Variants in CREB5 observed in about 807,000 individuals in gnomAD.
CREB5 encodes the protein cAMP responsive element binding protein 5.
In CREB5, 19 loss-of-function variants were observed where a neutral mutation model predicts 57.1. The observed-to-expected ratio is 0.33, with a 90% CI of 0.23 to 0.49. The LOEUF is 0.49. CREB5 is among the 20% of genes least tolerant of loss of function. The pLI is 0.99. For synonymous variants in CREB5, 238 were observed against 238.3 expected (o/e 1.00, Z 0.01); for missense variants, 579 against 671.6 (o/e 0.86, Z 1.52).
At position 28,560,931 on chromosome 7, in the gene CREB5, T is replaced by TGTGCGTGCGTGC. The variant is rs1562797936; in HGVS notation, c.292-9431_292-9430insCGTGCGTGCGTG. Among the ~76,000 whole-genome samples, 18 of 48,550 alleles carry TGTGCGTGCGTGC rather than the reference T, an allele frequency of 3.7e-4. 3 individuals carry two copies. The highest frequency in any genetic ancestry group is 4.9e-4 in the Non-Finnish European group (13 of 26,534). 31.9% of individuals were successfully genotyped at this position (48,550 alleles called of 152,430 possible). A position where few individuals can be genotyped will look rare whatever the true frequency, so the allele number is the denominator to read the frequency against. On this transcript the variant is annotated intron_variant, in intron 4 of 10. Transcript: ENST00000357727. ...GTGCGTGTGCGTGTGTGCGCGTGCG[T>TGTGCGTGCGTGC]GTGTGCGTGCGTGTGTGTGCGTGTG...
At chr7:28,809,485 G>A (rs1318452506) in intron 9 of CREB5, 71 bp downstream of exon 9, 3 of 1,414,280 alleles carry the variant, frequency 2.1e-6, no homozygotes, top group Non-Finnish European at 1.9e-6. Context: ...GCCCTGACAG[G>A]CACTTGTTGA....
intron 8 of CREB5, among the ~76,000 whole-genome samples, chr7:28,808,761 A>G (rs966712846): frequency 2.6e-4 from 25 of 97,784 alleles, no homozygotes; most frequent in Non-Finnish European, 4.1e-4. Context: ...GGGTCTTGCT[A>G]TGTTACCTAG....
chr7:28,472,548 C>A (rs561056837), intron 1 of CREB5, among the ~76,000 whole-genome samples: 10 of 152,128 alleles, frequency 6.6e-5, no homozygotes, highest in Non-Finnish European at 1.2e-4. Context: ...TACCCCTCAC[C>A]GCTAGGACAA....
At chr7:28,394,167 T>A (rs530499472) in intron 1 of CREB5, among the ~76,000 whole-genome samples, 10 of 149,980 alleles carry the variant, frequency 6.7e-5, no homozygotes, top group East Asian at 2.0e-4. Flanking sequence ...CACATTTTTT[T>A]AAAAAAAGAA....
At chr7:28,311,853 A>C (rs1186680814) in intron 1 of CREB5, among the ~76,000 whole-genome samples, 1 of 152,116 alleles carries the variant, frequency 6.6e-6, no homozygotes, top group Non-Finnish European at 1.5e-5. Context: ...CGTGGCAGGC[A>C]CTGTCTCTGC....
intron 1 of CREB5, among the ~76,000 whole-genome samples, chr7:28,334,298 G>C (rs1296444910): frequency 6.6e-6 from 1 of 152,106 alleles, no homozygotes; most frequent in Non-Finnish European, 1.5e-5. Context: ...TGGGATTACA[G>C]GCATGTACCA....
Position 28,818,179 on chromosome 7 carries a change from A to C in CREB5, c.1363A>C (p.Ser455Arg). 6.2e-7 allele frequency: 1 copy of C among 1,606,244 alleles called. No individual in the cohort carries two copies. The highest frequency in any genetic ancestry group is 2.2e-5 in the East Asian group (1 of 44,842). ...GCAGAAAGAATCACAAGGATATCTA[A>C]GTAAGTCGCCGACTTTTTCACTTTT... ...AMQKESQGYL[S>R]PESSPPASPV... The change falls in exon 10 of 11, where the codon AGT becomes CGT. Residue 455 changes from serine (S) to arginine (R), a missense_variant and splice_region_variant. Transcript: ENST00000357727.
chr7:28,516,138 C>T (rs1176569574), intron 4 of CREB5, among the ~76,000 whole-genome samples: 1 of 152,004 alleles, frequency 6.6e-6, no homozygotes, highest in Non-Finnish European at 1.5e-5. Flanking sequence ...TGCTTGAGCC[C>T]AGGTGTTCAA....
At chr7:28,533,269 C>T (rs556328433) in intron 4 of CREB5, among the ~76,000 whole-genome samples, 2 of 152,252 alleles carry the variant, frequency 1.3e-5, no homozygotes, top group South Asian at 4.1e-4. Context: ...TGTAACGAAG[C>T]AAGACCAGAC....
At chr7:28,696,683 A>G (rs1801580181) in intron 5 of CREB5, among the ~76,000 whole-genome samples, 1 of 152,082 alleles carries the variant, frequency 6.6e-6, no homozygotes, top group Non-Finnish European at 1.5e-5. Flanking sequence ...ACACATATGC[A>G]TATATATGTA....
intron 5 of CREB5, among the ~76,000 whole-genome samples, chr7:28,637,826 AGTT>A (rs1371242979): frequency 6.6e-6 from 1 of 152,172 alleles, no homozygotes; most frequent in Non-Finnish European, 1.5e-5. Flanking sequence ...ATGCATTTAT[AGTT>A]GTTATTTTTT....
chr7:28,803,320 C>T (rs917541411), intron 7 of CREB5, among the ~76,000 whole-genome samples: 5 of 152,194 alleles, frequency 3.3e-5, no homozygotes, highest in African/African-American at 1.2e-4. Context: ...CTACACATTA[C>T]CTCCGAAGCT....
intron 1 of CREB5, among the ~76,000 whole-genome samples, chr7:28,333,673 A>T (rs1171737377): frequency 6.6e-6 from 1 of 152,174 alleles, no homozygotes; most frequent in Admixed American, 6.5e-5. Flanking sequence ...TGGCTTATTT[A>T]TCTTAACATA....
intron 7 of CREB5, among the ~76,000 whole-genome samples, chr7:28,763,807 A>ATTT (rs563568014): frequency 0.027 from 3,039 of 113,472 alleles, 71 homozygotes; most frequent in African/African-American, 0.066. Flanking sequence ...TATTATTATT[A>ATTT]TTATTTTTTT....
intron 1 of CREB5, among the ~76,000 whole-genome samples, chr7:28,465,091 A>G (rs1375899479): frequency 6.6e-6 from 1 of 152,232 alleles, no homozygotes; most frequent in Non-Finnish European, 1.5e-5. Flanking sequence ...TATATAGAAC[A>G]TCAGAAGTCC....
chr7:28,515,889 A>G (rs1792926142), intron 4 of CREB5, among the ~76,000 whole-genome samples: 1 of 73,564 alleles, frequency 1.4e-5, no homozygotes, highest in African/African-American at 5.5e-5. Flanking sequence ...ACAAAAACTA[A>G]CAGAAATGTT....
chr7:28,771,807 G>A (rs1269072389), intron 7 of CREB5, among the ~76,000 whole-genome samples: 1 of 144,716 alleles, frequency 6.9e-6, no homozygotes, highest in African/African-American at 2.5e-5. Flanking sequence ...TGGGAGGGTG[G>A]GGCCAATCTC....
chr7:28,350,507 T>G (rs570349993), intron 1 of CREB5, among the ~76,000 whole-genome samples: 54 of 151,854 alleles, frequency 3.6e-4, no homozygotes, highest in African/African-American at 1.3e-3. Context: ...CTGTTTCCTC[T>G]GGCTATAGTG....
intron 4 of CREB5, among the ~76,000 whole-genome samples, chr7:28,534,827 A>G (rs1793889722): frequency 7.1e-6 from 1 of 141,836 alleles, no homozygotes; most frequent in South Asian, 2.2e-4. Flanking sequence ...TGGAGACCAG[A>G]AAACAGGCCC....
Sources: allele counts gnomAD v4.1 joint callset (sites outside exome capture counted in the v4.1 genomes callset), GRCh38; gene constraint gnomAD v4.1.1; transcripts MANE v1.5; gene names NCBI Gene and HGNC (gene_info 2026-07-23, HGNC 2026-07-21).